DLG2: variants seen among roughly 807,000 people sequenced by gnomAD.
DLG2 encodes disks large homolog 2.
DLG2 carries 45 observed loss-of-function variants against 132.5 expected under a neutral mutation model. The ratio of observed to expected loss-of-function variants is 0.34; its 90% CI spans 0.27 to 0.44. DLG2 has a LOEUF of 0.44. Ranked by LOEUF, DLG2 falls within the 20% of genes least tolerant of loss-of-function variation. DLG2 has a pLI of 1.00. For missense variants in DLG2, 1,045 were observed against 1,196.9 expected, an observed-to-expected ratio of 0.87 and a Z score of 1.87; for synonymous variants, 424 against 419.6, an observed-to-expected ratio of 1.01 and a Z score of -0.13.
At chr11:84,135,875 A>C (rs2094581980) in intron 9 of DLG2, among the ~76,000 whole-genome samples, 1 of 152,122 alleles carries the variant, frequency 6.6e-6, no homozygotes, top group East Asian at 1.9e-4. Flanking sequence ...TGGGGACTTA[A>C]GCCTGGGACA....
intron 6 of DLG2, among the ~76,000 whole-genome samples, chr11:84,826,283 G>T (rs1285932811): frequency 6.6e-6 from 1 of 151,782 alleles, no homozygotes; most frequent in African/African-American, 2.4e-5. Flanking sequence ...CTAGCAAATA[G>T]TAGGCCTTAT....
chr11:85,397,660 C>T (rs1273453998), intron 3 of DLG2, among the ~76,000 whole-genome samples: 1 of 152,028 alleles, frequency 6.6e-6, no homozygotes, highest in Admixed American at 6.6e-5. Context: ...TTTAAACCAA[C>T]AAAGATCAAA....
intron 6 of DLG2, among the ~76,000 whole-genome samples, chr11:84,535,856 T>C (rs907527074): frequency 2.0e-5 from 3 of 152,086 alleles, no homozygotes; most frequent in African/African-American, 7.3e-5. Context: ...AACAGGGATC[T>C]AAACATTGTC....
intron 6 of DLG2, among the ~76,000 whole-genome samples, chr11:84,589,674 G>A (rs760966780): frequency 5.9e-5 from 9 of 152,066 alleles, no homozygotes; most frequent in Non-Finnish European, 4.4e-5. Flanking sequence ...GCATCAATAT[G>A]TTCTATAATT....
At chr11:85,379,783 C>A (rs2085727156) in intron 3 of DLG2, among the ~76,000 whole-genome samples, 1 of 152,242 alleles carries the variant, frequency 6.6e-6, no homozygotes, top group South Asian at 2.1e-4. Flanking sequence ...CCCTACTATA[C>A]CATGTAAGAT....
intron 3 of DLG2, among the ~76,000 whole-genome samples, chr11:85,426,103 ATTGC>A (rs1286865415): frequency 6.6e-6 from 1 of 152,238 alleles, no homozygotes; most frequent in African/African-American, 2.4e-5. Flanking sequence ...GGCGCCCGCC[ATTGC>A]CGAGGCTTGA....
At chr11:84,684,222 T>G (rs1366014872) in intron 6 of DLG2, among the ~76,000 whole-genome samples, 1 of 152,208 alleles carries the variant, frequency 6.6e-6, no homozygotes. Context: ...AGCTGAGTAG[T>G]AGGAGATAAT....
intron 18 of DLG2, among the ~76,000 whole-genome samples, chr11:83,764,125 C>A (rs1428374607): frequency 6.6e-6 from 1 of 152,154 alleles, no homozygotes; most frequent in Non-Finnish European, 1.5e-5. Context: ...TGGGAGTATG[C>A]CTCATACCAG....
At chr11:84,567,799 C>T (rs1412429387) in intron 6 of DLG2, among the ~76,000 whole-genome samples, 1 of 152,148 alleles carries the variant, frequency 6.6e-6, no homozygotes, top group East Asian at 1.9e-4. Flanking sequence ...CAACTATCCA[C>T]AGACAAGAAC....
chr11:84,925,973 A>C (rs1238163917), intron 6 of DLG2, among the ~76,000 whole-genome samples: 1 of 152,180 alleles, frequency 6.6e-6, no homozygotes, highest in Non-Finnish European at 1.5e-5. Context: ...GACTATATGA[A>C]AATATAAAAC....
chr11:84,970,708 A>C (rs1326538559), intron 6 of DLG2, among the ~76,000 whole-genome samples: 1 of 152,186 alleles, frequency 6.6e-6, no homozygotes, highest in Admixed American at 6.6e-5. Flanking sequence ...GCAGCTTCCT[A>C]TGTGCCAGGT....
At chr11:83,559,699 A>G (rs1298801516) in intron 19 of DLG2, among the ~76,000 whole-genome samples, 1 of 152,224 alleles carries the variant, frequency 6.6e-6, no homozygotes, top group African/African-American at 2.4e-5. Flanking sequence ...TGACACATCA[A>G]ATGTAAGCAG....
intron 19 of DLG2, among the ~76,000 whole-genome samples, chr11:83,629,996 C>A (rs2063286843): frequency 2.0e-5 from 3 of 152,072 alleles, no homozygotes; most frequent in Admixed American, 2.0e-4. Flanking sequence ...ATCAAACATA[C>A]CCAAATCATT....
chr11:83,703,933 A>G (rs77075892), intron 18 of DLG2, among the ~76,000 whole-genome samples: 2 of 152,216 alleles, frequency 1.3e-5, no homozygotes, highest in East Asian at 3.8e-4. Context: ...AAGAAAAAAA[A>G]TGTATGGACA....
intron 19 of DLG2, among the ~76,000 whole-genome samples, chr11:83,552,623 C>T (rs35401471): frequency 0.045 from 6,804 of 152,164 alleles, 192 homozygotes; most frequent in South Asian, 0.12. Context: ...TAGTGGAAGC[C>T]GCCTCTGTAA....
intron 3 of DLG2, among the ~76,000 whole-genome samples, chr11:85,540,558 T>C (rs1448549857): frequency 6.6e-6 from 1 of 152,124 alleles, no homozygotes; most frequent in Non-Finnish European, 1.5e-5. Flanking sequence ...TTTGCAGCCA[T>C]CCTCCAAGCC....
chr11:84,938,415 T>A (rs939580647), intron 6 of DLG2, among the ~76,000 whole-genome samples: 11 of 152,168 alleles, frequency 7.2e-5, no homozygotes, highest in African/African-American at 2.7e-4. Flanking sequence ...ACATATAAAT[T>A]TTAAACATAG....
chr11:85,298,829 T>C (rs948945250), intron 3 of DLG2, among the ~76,000 whole-genome samples: 1 of 152,078 alleles, frequency 6.6e-6, no homozygotes, highest in African/African-American at 2.4e-5. Context: ...GATACACTAA[T>C]GTATTAGGAA....
intron 18 of DLG2, among the ~76,000 whole-genome samples, chr11:83,696,375 G>A (rs2081945466): frequency 6.6e-6 from 1 of 152,186 alleles, no homozygotes; most frequent in Admixed American, 6.5e-5. Context: ...TGGCAGGTGA[G>A]AGGGCGACAT....
Sources: gnomAD v4.1 joint callset for allele counts (sites outside exome capture counted in the v4.1 genomes callset) on GRCh38, gnomAD v4.1.1 for gene constraint, MANE v1.5 for transcripts, NCBI Gene and HGNC (gene_info 2026-07-23, HGNC 2026-07-21) for gene names.